The following SYK variants were observed in gnomAD, a reference collection of about 807,000 sequenced individuals.
The protein encoded by SYK is spleen associated tyrosine kinase, also known as tyrosine-protein kinase SYK.
In SYK, 16 loss-of-function variants were observed where a neutral mutation model predicts 77.8. The observed-to-expected ratio is 0.21, with a 90% CI of 0.14 to 0.31. SYK has a LOEUF of 0.31. Ranked by LOEUF, SYK falls within the 10% of genes least tolerant of loss-of-function variation. The pLI is 1.00. For missense variants in SYK, 529 were observed against 814.4 expected (o/e 0.65, Z 4.26); for synonymous variants, 312 against 308.7 (o/e 1.01, Z -0.11).
rs764396663 is a variant in SYK, at chr9:90,888,500, T to G, written c.1723-15T>G. On this transcript the variant is annotated splice_polypyrimidine_tract_variant and intron_variant, in intron 12 of 13. Transcript: ENST00000375754. The stretch of plus-strand genomic sequence containing the variant: ...TTAAAAAAAAAAAAGCTTATGCATA[T>G]CTTGCATGTTGTAGGGGATGAAAGG... 5.8e-6 allele frequency: 9 copies of G among 1,563,402 alleles called. No homozygotes were observed. Among genetic ancestry groups the G allele is most frequent in the Non-Finnish European group, 7.8e-6 (9 of 1,157,146 alleles).
rs766542780 is a variant in SYK, at chr9:90,865,063, G to C, written c.812G>C (p.Gly271Ala). 1.2e-6 allele frequency: 2 copies of C among 1,614,148 alleles called. No individual in the cohort carries two copies. The highest frequency in any genetic ancestry group is 1.7e-6 in the Non-Finnish European group (2 of 1,180,016). The change falls in exon 6 of 14, where the codon GGA becomes GCA. Residue 271 changes from glycine to alanine, a missense_variant. Physicochemically the swap from Gly to Ala is moderately conservative, Grantham distance 60. Around this residue, in one of 2 missense-constraint regions of SYK, gnomAD observed 321 missense variants for 433.1 expected, o/e 0.74. Transcript: ENST00000375754. ...CTCTAACCAGGAAATGTTAATTTTG[G>C]AGGCCGTCCACAACTTCCAGGTTCC... is the stretch of plus-strand genomic sequence containing the variant. Reference protein sequence around the residue: ...KIGTQGNVNFGGRPQLPGSHP... With the variant: ...KIGTQGNVNFAGRPQLPGSHP...
intron 1 of SYK, among the ~76,000 whole-genome samples, chr9:90,840,973 C>T (rs916754462): frequency 2.0e-5 from 3 of 152,106 alleles, no homozygotes; most frequent in East Asian, 1.9e-4. Flanking sequence ...GAGAAGAAGC[C>T]GCTTCACATC....
chr9:90,835,237 G>A (rs561699977), intron 1 of SYK, among the ~76,000 whole-genome samples: 2 of 152,328 alleles, frequency 1.3e-5, no homozygotes, highest in South Asian at 4.1e-4. Context: ...TTTGTAAATT[G>A]AGTGTGGGGG....
At chr9:90,818,326 A>T (rs893767014) in intron 1 of SYK, among the ~76,000 whole-genome samples, 1 of 152,244 alleles carries the variant, frequency 6.6e-6, no homozygotes, top group Admixed American at 6.5e-5. Flanking sequence ...TCAACAAATA[A>T]GCAGGAAACA....
intron 3 of SYK, among the ~76,000 whole-genome samples, chr9:90,856,537 A>T (rs2118742736): frequency 6.7e-6 from 1 of 149,950 alleles, no homozygotes; most frequent in Non-Finnish European, 1.5e-5. Flanking sequence ...ATCTGCTCTT[A>T]CGCTCATTCA....
intron 1 of SYK, among the ~76,000 whole-genome samples, chr9:90,819,539 G>A (rs290983): frequency 0.82 from 125,193 of 152,110 alleles, 51,840 homozygotes; most frequent in East Asian, 1. Flanking sequence ...GGAAGAAGCA[G>A]AAGAGGAAAC....
intron 1 of SYK, among the ~76,000 whole-genome samples, chr9:90,820,381 C>T (rs60044325): frequency 0.17 from 26,611 of 152,238 alleles, 2,879 homozygotes; most frequent in African/African-American, 0.3. Context: ...GCCCCTGCAG[C>T]GAACTTTTGC....
At chr9:90,824,222 T>A (rs992835385) in intron 1 of SYK, among the ~76,000 whole-genome samples, 2 of 152,186 alleles carry the variant, frequency 1.3e-5, no homozygotes, top group Admixed American at 1.3e-4. Flanking sequence ...AATAGCCCTA[T>A]ATCTTTAAAA....
intron 3 of SYK, among the ~76,000 whole-genome samples, chr9:90,851,256 T>C (rs1044755081): frequency 3.9e-5 from 6 of 152,188 alleles, no homozygotes; most frequent in African/African-American, 1.2e-4. Flanking sequence ...CACCAGGGCA[T>C]GTCCATGTGA....
At position 90,887,846 on chromosome 9, in the gene SYK, T is replaced by C; in HGVS notation, c.1679T>C (p.Val560Ala). ...SSKSDVWSFG[V>A]LMWEAFSYGQ... ...AAAAGCGATGTCTGGAGCTTTGGAG[T>C]GTTGATGTGGGAAGCATTCTCCTAT... Residue 560 changes from valine to alanine, a missense_variant, in exon 12 of 14, where the codon GTG becomes GCG. By Grantham distance (64) the Val-to-Ala change is moderately conservative. Coordinates refer to ENST00000375754, the MANE Select transcript of SYK (RefSeq NM_003177.7). 1.9e-6 allele frequency: 3 copies of C among 1,612,510 alleles called. No homozygotes were observed. The highest frequency in any genetic ancestry group is 1.7e-6 in the Non-Finnish European group (2 of 1,179,300).
rs375592612 is a variant in SYK at position 90,854,176 on chromosome 9, G to A, written c.579-8030G>A. On this transcript the variant is annotated intron_variant, in intron 3 of 13. Transcript: ENST00000375754. ...TGGCAGACTGGCCGGGTGGTGGAGG[G>A]ATTGGCACGTGGCTGCCCCAGGCCA... 9.8e-5 allele frequency among the ~76,000 whole-genome samples: 15 copies of A among 152,332 alleles called. No individual in the cohort carries two copies. The East Asian group carries it at 2.5e-3, about 25-fold the overall frequency.
intron 7 of SYK, among the ~76,000 whole-genome samples, chr9:90,870,432 T>G (rs1333048624): frequency 5.9e-5 from 9 of 152,168 alleles, no homozygotes. Context: ...TTCCAACACA[T>G]ACATTGGTGA....
chr9:90,853,259 A>G (rs906631275), intron 3 of SYK, among the ~76,000 whole-genome samples: 3 of 148,426 alleles, frequency 2.0e-5, no homozygotes, highest in African/African-American at 7.5e-5. Flanking sequence ...TAACTATAGG[A>G]ACTGGGAAGT....
chr9:90,898,216 G>A lies in SYK; in HGVS notation c.*2616G>A, dbSNP rs200907814. 14 of 231,052 alleles carry A rather than the reference G, an allele frequency of 6.1e-5. No homozygotes were observed. The highest frequency in any genetic ancestry group is 1.1e-4 in the African/African-American group (5 of 45,194). The allele number at this position is 231,052 out of a possible 1,614,324, so 14.3% of individuals were successfully genotyped here. A position where few individuals can be genotyped will look rare whatever the true frequency, so the allele number is the denominator to read the frequency against. ...GAATATCTTGTCCCCCAGCAGGGCC[G>A]ACAGTTTCTATCACAGAAAACAGTG... On this transcript the variant is annotated 3_prime_UTR_variant, in exon 14 of 14. Transcript: ENST00000375754.
intron 7 of SYK, among the ~76,000 whole-genome samples, chr9:90,869,958 A>G (rs1827665517): frequency 6.6e-6 from 1 of 152,142 alleles, no homozygotes; most frequent in Non-Finnish European, 1.5e-5. Flanking sequence ...AAATACAAAA[A>G]TTAGCCAGGC....
At chr9:90,845,127 G>A (rs553342619) in intron 2 of SYK, among the ~76,000 whole-genome samples, 1 of 151,992 alleles carries the variant, frequency 6.6e-6, no homozygotes, top group South Asian at 2.1e-4. Flanking sequence ...GTAGAGATGG[G>A]GTTTCACCAT....
intron 13 of SYK, among the ~76,000 whole-genome samples, chr9:90,891,457 C>A (rs531642729): frequency 6.6e-6 from 1 of 152,236 alleles, no homozygotes; most frequent in African/African-American, 2.4e-5. Flanking sequence ...GAAGAGGGAA[C>A]CTCCATGTTG....
intron 1 of SYK, among the ~76,000 whole-genome samples, chr9:90,820,528 C>T (rs61388775): frequency 6.6e-6 from 1 of 152,138 alleles, no homozygotes; most frequent in South Asian, 2.1e-4. Context: ...CCCTCTGAAG[C>T]CACAGCCTGA....
intron 3 of SYK, among the ~76,000 whole-genome samples, chr9:90,854,133 CAG>C (rs1298200826): frequency 6.6e-6 from 1 of 152,114 alleles, no homozygotes; most frequent in Non-Finnish European, 1.5e-5. Flanking sequence ...TGGATGGTGG[CAG>C]AGTTTTCCTT....
Sources: gnomAD v4.1 joint callset for allele counts (sites outside exome capture counted in the v4.1 genomes callset) on GRCh38, gnomAD v4.1.1 for gene constraint, gnomAD v4.1.1 regional missense constraint, MANE v1.5 for transcripts, NCBI Gene and HGNC (gene_info 2026-07-23, HGNC 2026-07-21) for gene names.